RBFOX3: variants seen among roughly 807,000 people sequenced by gnomAD.
RBFOX3 encodes the protein RNA binding protein fox-1 homolog 3.
RBFOX3 carries 17 observed loss-of-function variants against 48.7 expected under a neutral mutation model. The observed-to-expected ratio is 0.35, with a 90% CI of 0.24 to 0.52. RBFOX3 has a LOEUF of 0.52. RBFOX3 is among the 20% of genes least tolerant of loss of function. RBFOX3 has a pLI of 0.94. For missense variants in RBFOX3, 382 were observed against 497.5 expected, an observed-to-expected ratio of 0.77 and a Z score of 2.21; for synonymous variants, 212 against 209.5, an observed-to-expected ratio of 1.01 and a Z score of -0.10.
intron 1 of RBFOX3, among the ~76,000 whole-genome samples, chr17:79,532,744 G>C (rs1411460524): frequency 6.6e-6 from 1 of 152,246 alleles, no homozygotes; most frequent in African/African-American, 2.4e-5. Flanking sequence ...CGCCAGCATA[G>C]TACTAGAATC....
intron 1 of RBFOX3, among the ~76,000 whole-genome samples, chr17:79,486,071 C>T (rs920971743): frequency 4.6e-5 from 7 of 152,374 alleles, no homozygotes; most frequent in East Asian, 1.9e-4. Flanking sequence ...CCTCAGGGCT[C>T]GCCCCAGGCT....
At chr17:79,631,440 G>C in the RBFOX3 span, among the ~76,000 whole-genome samples, 1 of 152,126 alleles carries the variant, frequency 6.6e-6, no homozygotes, top group African/African-American at 2.4e-5. Flanking sequence ...TTACAAGCCA[G>C]TGTCAGACAC....
intron 2 of RBFOX3, among the ~76,000 whole-genome samples, chr17:79,401,006 G>A (rs561277092): frequency 6.6e-6 from 1 of 152,206 alleles, no homozygotes; most frequent in Non-Finnish European, 1.5e-5. Context: ...AGAAAAACAC[G>A]TCGTCACAAC....
chr17:79,634,802 G>T, the RBFOX3 span, among the ~76,000 whole-genome samples: 1 of 152,066 alleles, frequency 6.6e-6, no homozygotes, highest in East Asian at 1.9e-4. Flanking sequence ...GCTCACACCT[G>T]TAATCCCAGC....
At chr17:79,342,753 A>T (rs1040093224) in intron 2 of RBFOX3, among the ~76,000 whole-genome samples, 3 of 152,250 alleles carry the variant, frequency 2.0e-5, no homozygotes, top group African/African-American at 7.2e-5. Context: ...CAATAAATTA[A>T]AAACAAAACA....
chr17:79,166,451 G>T (rs1202975744), intron 4 of RBFOX3, among the ~76,000 whole-genome samples: 1 of 145,758 alleles, frequency 6.9e-6, no homozygotes, highest in East Asian at 2.1e-4. Flanking sequence ...ACTTAAGTAG[G>T]CTCAGCTCTC....
intron 1 of RBFOX3, among the ~76,000 whole-genome samples, chr17:79,550,347 G>A (rs1555793212): frequency 6.6e-6 from 1 of 152,174 alleles, no homozygotes; most frequent in Non-Finnish European, 1.5e-5. Flanking sequence ...TCATGGAATT[G>A]AGAGATTACG....
Position 79,204,288 on chromosome 17 carries a change from C to CACACACCAGCGGGCGCCGGGGAGCGGGT in RBFOX3, c.-34+31450_-34+31477dup, listed in dbSNP as rs1430968655. Among the ~76,000 whole-genome samples, 2 of 151,896 alleles carry CACACACCAGCGGGCGCCGGGGAGCGGGT rather than the reference C, an allele frequency of 1.3e-5. No homozygotes were observed. The highest frequency in any genetic ancestry group is 2.4e-5 in the African/African-American group (1 of 41,306). ...ACACCAGTGGACGCCGGGGAGCGGA[C>CACACACCAGCGGGCGCCGGGGAGCGGGT]ACACACCAGCGGGCGCCGGGGAGCG... On this transcript the variant is annotated intron_variant, in intron 4 of 14. Coordinates refer to ENST00000693108, the MANE Select transcript of RBFOX3 (RefSeq NM_001350451.2). The surrounding 1 kb of genome is among the most constrained non-coding windows in gnomAD (Gnocchi z 4.5).
intron 1 of RBFOX3, among the ~76,000 whole-genome samples, chr17:79,497,960 G>A (rs952159821): frequency 6.6e-6 from 1 of 152,240 alleles, no homozygotes; most frequent in Non-Finnish European, 1.5e-5. Context: ...AAGAGCAGAT[G>A]TTAGGCAGAT....
At position 79,111,693 on chromosome 17, in the gene RBFOX3, G is replaced by A. The variant is rs2031606058; in HGVS notation, c.222+3801C>T. Among the ~76,000 whole-genome samples the A allele has an allele frequency of 6.6e-6, 1 of 152,210 alleles. No individual in the cohort carries two copies. The highest frequency in any genetic ancestry group is 2.4e-5 in the African/African-American group (1 of 41,460). ...CGTGATCCACCTGCCTCGGCCTCCCGAAGTGCTGGGGTGACAGGCGTGAGC... is the reference window on the plus strand; with the variant it reads ...CGTGATCCACCTGCCTCGGCCTCCCAAAGTGCTGGGGTGACAGGCGTGAGC... On this transcript the variant is annotated intron_variant, in intron 5 of 14. Transcript: ENST00000693108. This position sits in a 1 kb window ranked among gnomAD's most constrained non-coding sequence, Gnocchi z 4.2.
At chr17:79,270,373 A>T (rs112299578) in intron 3 of RBFOX3, among the ~76,000 whole-genome samples, 1 of 152,116 alleles carries the variant, frequency 6.6e-6, no homozygotes, top group South Asian at 2.1e-4. Context: ...GGCTGATCTC[A>T]GTACCCTTCC....
At chr17:79,210,710 A>G (rs934521425) in intron 4 of RBFOX3, among the ~76,000 whole-genome samples, 7 of 152,148 alleles carry the variant, frequency 4.6e-5, no homozygotes, top group African/African-American at 1.7e-4. Flanking sequence ...GGTGATGTGG[A>G]GGAGTGCCCT....
In RBFOX3 at chr17:79,473,028, T is replaced by C. The variant is rs905422000; in HGVS notation, c.-175+9426A>G. Among the ~76,000 whole-genome samples, 4 of 152,224 alleles carry C rather than the reference T, an allele frequency of 2.6e-5. No homozygotes were observed. The highest frequency in any genetic ancestry group is 4.4e-5 in the Non-Finnish European group (3 of 68,048). On this transcript the variant is annotated intron_variant, in intron 2 of 14. Transcript: ENST00000693108. The surrounding 1 kb of genome is among the most constrained non-coding windows in gnomAD (Gnocchi z 4.2). The stretch of plus-strand genomic sequence containing the variant: ...TAGTTGAAGTGACAAGCCCTTACTT[T>C]TGGTTTTTAGAAAACCTATAAAAAT...
intron 1 of RBFOX3, among the ~76,000 whole-genome samples, chr17:79,541,883 A>G (rs1221918428): frequency 6.6e-6 from 1 of 152,092 alleles, no homozygotes; most frequent in African/African-American, 2.4e-5. Flanking sequence ...TCGAGGGCAG[A>G]GTGACACCTC....
chr17:79,524,026 A>C (rs906800265), intron 1 of RBFOX3, among the ~76,000 whole-genome samples: 3 of 152,222 alleles, frequency 2.0e-5, no homozygotes, highest in Non-Finnish European at 2.9e-5. Context: ...CCCTTCTGGC[A>C]GTCAGTTTTC....
rs989533384 is a variant in RBFOX3 at position 79,220,857 on chromosome 17, G to C, written c.-34+14909C>G. Among the ~76,000 whole-genome samples the C allele has an allele frequency of 2.0e-5, 3 of 152,162 alleles. No homozygotes were observed. Among genetic ancestry groups the C allele is most frequent in the African/African-American group, 7.2e-5 (3 of 41,518 alleles). On this transcript the variant is annotated intron_variant, in intron 4 of 14. Transcript: ENST00000693108. The surrounding 1 kb of genome is among the most constrained non-coding windows in gnomAD (Gnocchi z 5.9). ...GGGCGGCTCTCCAGGCCTGGAGCGT[G>C]GGCCAATCAGAGACGAGGCGCAGAA...
At chr17:79,352,777 CAG>C (rs1464735948) in intron 2 of RBFOX3, among the ~76,000 whole-genome samples, 2 of 152,218 alleles carry the variant, frequency 1.3e-5, no homozygotes. Flanking sequence ...AATGACCTCA[CAG>C]TGTCAGGTCA....
chr17:79,280,869 A>C (rs2070297716), intron 3 of RBFOX3, among the ~76,000 whole-genome samples: 1 of 150,926 alleles, frequency 6.6e-6, no homozygotes, highest in Non-Finnish European at 1.5e-5. Flanking sequence ...GGTCTCCTGC[A>C]GGCATGTGGG....
intron 6 of RBFOX3, among the ~76,000 whole-genome samples, chr17:79,104,368 G>C (rs1473001876): frequency 6.6e-6 from 1 of 151,972 alleles, no homozygotes; most frequent in East Asian, 1.9e-4. Flanking sequence ...AGGGTCCTTG[G>C]TGTGGTGTGG....
Sources: gnomAD v4.1 joint callset for allele counts (sites outside exome capture counted in the v4.1 genomes callset) on GRCh38, gnomAD v4.1.1 for gene constraint, Gnocchi (gnomAD v3.1) non-coding constraint, MANE v1.5 for transcripts, NCBI Gene and HGNC (gene_info 2026-07-23, HGNC 2026-07-21) for gene names.